Variants in CDH13 observed in about 807,000 individuals in gnomAD.
The protein encoded by CDH13 is cadherin 13.
Under a neutral mutation model 63.8 loss-of-function variants are expected in CDH13, and 24 were observed. That is an observed-to-expected ratio of 0.38 (90% CI 0.27 to 0.53). The LOEUF (loss-of-function observed/expected upper bound fraction) is 0.53. Ranked by LOEUF, CDH13 falls within the 20% of genes least tolerant of loss-of-function variation. CDH13 has a pLI of 0.85. For synonymous variants in CDH13, 503 were observed against 355.3 expected (o/e 1.42, Z -4.67); for missense variants, 1,049 against 903.1 (o/e 1.16, Z -2.07).
In CDH13 at chr16:83,220,076, C is replaced by T. The variant is rs1389330062; in HGVS notation, c.636+2579C>T. ...TACGACTGGCAGACTGGGGCCCAGCCCTTGGCAGCGCACTCTTCAATGGGC... is the reference window on the plus strand; with the variant it reads ...TACGACTGGCAGACTGGGGCCCAGCTCTTGGCAGCGCACTCTTCAATGGGC... On this transcript the variant is annotated intron_variant, in intron 5 of 13. Coordinates refer to ENST00000567109, the MANE Select transcript of CDH13 (RefSeq NM_001257.5). 2.0e-5 allele frequency among the ~76,000 whole-genome samples: 3 copies of T among 152,318 alleles called. No homozygotes were observed. In the East Asian group the frequency reaches 5.8e-4, roughly 29 times the overall value.
intron 7 of CDH13, among the ~76,000 whole-genome samples, chr16:83,521,128 C>A (rs1174701873): frequency 6.6e-6 from 1 of 152,182 alleles, no homozygotes; most frequent in Non-Finnish European, 1.5e-5. Context: ...CACCACAGTG[C>A]CACAGTAAAT....
chr16:83,409,128 G>A (rs981839831), intron 6 of CDH13, among the ~76,000 whole-genome samples: 1 of 152,108 alleles, frequency 6.6e-6, no homozygotes, highest in Non-Finnish European at 1.5e-5. Flanking sequence ...ATAAGACAGG[G>A]GAGGGAAGGC....
intron 6 of CDH13, among the ~76,000 whole-genome samples, chr16:83,421,171 A>G (rs1345640914): frequency 2.0e-5 from 3 of 152,224 alleles, no homozygotes; most frequent in Non-Finnish European, 2.9e-5. Flanking sequence ...AGAAAGTGGC[A>G]TAAGTCTAGA....
chr16:83,533,195 G>T (rs1051051759), intron 7 of CDH13, among the ~76,000 whole-genome samples: 5 of 152,172 alleles, frequency 3.3e-5, no homozygotes, highest in African/African-American at 1.2e-4. Context: ...CTGGTGTCAC[G>T]CTGGAGAAGG....
chr16:82,756,971 C>T (rs1042586425), intron 1 of CDH13, among the ~76,000 whole-genome samples: 2 of 152,180 alleles, frequency 1.3e-5, no homozygotes, highest in Non-Finnish European at 2.9e-5. Flanking sequence ...CAGTGGCTGG[C>T]ACATTATCTT....
At chr16:83,793,396 A>C (rs889858955) in intron 13 of CDH13, among the ~76,000 whole-genome samples, 1 of 152,170 alleles carries the variant, frequency 6.6e-6, no homozygotes, top group Non-Finnish European at 1.5e-5. Flanking sequence ...CAGACTCCAC[A>C]CTGGAGCCAG....
intron 5 of CDH13, among the ~76,000 whole-genome samples, chr16:83,317,721 A>T (rs903313205): frequency 5.3e-5 from 8 of 151,180 alleles, no homozygotes; most frequent in Admixed American, 1.3e-4. Context: ...AATCGCTTGA[A>T]CCCGGGAGGC....
At chr16:82,912,546 A>G (rs943501613) in intron 2 of CDH13, among the ~76,000 whole-genome samples, 2 of 152,244 alleles carry the variant, frequency 1.3e-5, no homozygotes, top group African/African-American at 4.8e-5. Context: ...CAGGTGGGAA[A>G]GTACATAAAA....
chr16:83,225,561 C>A (rs1338800963), intron 5 of CDH13, among the ~76,000 whole-genome samples: 1 of 152,162 alleles, frequency 6.6e-6, no homozygotes. Flanking sequence ...GATGTAATTC[C>A]TGATAGGGGA....
intron 2 of CDH13, among the ~76,000 whole-genome samples, chr16:82,872,013 T>G (rs1326720565): frequency 6.6e-6 from 1 of 152,186 alleles, no homozygotes; most frequent in Non-Finnish European, 1.5e-5. Context: ...AATTCTGTAC[T>G]TCTCTTAGCC....
intron 4 of CDH13, among the ~76,000 whole-genome samples, chr16:83,158,543 A>C (rs1352996105): frequency 6.6e-6 from 1 of 152,210 alleles, no homozygotes. Flanking sequence ...AGGAGTGACC[A>C]GTGCTGACTC....
At chr16:83,507,622 C>G (rs774340169) in intron 7 of CDH13, among the ~76,000 whole-genome samples, 1 of 152,176 alleles carries the variant, frequency 6.6e-6, no homozygotes, top group Non-Finnish European at 1.5e-5. Context: ...CTAATGCTAG[C>G]CTTCCTGTGG....
chr16:83,676,092 G>A (rs774170934), intron 9 of CDH13, among the ~76,000 whole-genome samples: 3 of 152,170 alleles, frequency 2.0e-5, no homozygotes, highest in Non-Finnish European at 4.4e-5. Flanking sequence ...GGAGGAGGGA[G>A]GGAGGGAATT....
chr16:83,062,922 C>T (rs2031684982), intron 3 of CDH13, among the ~76,000 whole-genome samples: 1 of 151,420 alleles, frequency 6.6e-6, no homozygotes, highest in Non-Finnish European at 1.5e-5. Context: ...GCTGTTTTGT[C>T]TCCCTCATAG....
intron 6 of CDH13, among the ~76,000 whole-genome samples, chr16:83,467,928 C>A (rs892286271): frequency 2.6e-5 from 4 of 152,170 alleles, no homozygotes; most frequent in Non-Finnish European, 4.4e-5. Context: ...TGTCATGAGG[C>A]TTTCTGTGAG....
At chr16:82,887,745 C>T (rs181905027) in intron 2 of CDH13, among the ~76,000 whole-genome samples, 1 of 152,132 alleles carries the variant, frequency 6.6e-6, no homozygotes, top group East Asian at 1.9e-4. Flanking sequence ...TGCTTGAACC[C>T]TGCGGATGAG....
At chr16:83,683,718 C>A (rs949325528) in intron 10 of CDH13, among the ~76,000 whole-genome samples, 1 of 152,266 alleles carries the variant, frequency 6.6e-6, no homozygotes, top group Non-Finnish European at 1.5e-5. Context: ...CATTAATATC[C>A]TGAAGACAAG....
chr16:82,941,800 C>G (rs1904290812), intron 2 of CDH13, among the ~76,000 whole-genome samples: 1 of 152,134 alleles, frequency 6.6e-6, no homozygotes. Context: ...CATGATTATT[C>G]TATATTCTTG....
At chr16:83,629,031 T>G (rs1299438052) in intron 8 of CDH13, among the ~76,000 whole-genome samples, 1 of 152,208 alleles carries the variant, frequency 6.6e-6, no homozygotes, top group Non-Finnish European at 1.5e-5. Context: ...AACTGGTAAT[T>G]GCTGGCCTAT....
Sources: allele counts gnomAD v4.1 joint callset (sites outside exome capture counted in the v4.1 genomes callset), GRCh38; gene constraint gnomAD v4.1.1; transcripts MANE v1.5; gene names NCBI Gene and HGNC (gene_info 2026-07-23, HGNC 2026-07-21).